Variants in HMCN2 observed in about 807,000 individuals in gnomAD.
HMCN2 encodes hemicentin-2.
In HMCN2, 325 loss-of-function variants were observed where a neutral mutation model predicts 377.5. The ratio of observed to expected loss-of-function variants is 0.86; its 90% CI spans 0.79 to 0.94. HMCN2 has a LOEUF of 0.94. Among genes scored for constraint, HMCN2 ranks in the 40% least tolerant of loss-of-function variants. The pLI, the probability that HMCN2 is intolerant of heterozygous loss-of-function variation, is 0.00. For missense variants in HMCN2, 4,543 were observed against 4,725.3 expected (o/e 0.96, Z 1.13); for synonymous variants, 2,007 against 2,046.8 (o/e 0.98, Z 0.53).
rs772814680 is a variant in HMCN2, at chr9:130,356,112, C to A, written c.5280C>A (p.Ala1760=). The A allele has an allele frequency of 2.3e-6, 3 of 1,295,406 alleles. No homozygotes were observed. In the African/African-American group the frequency reaches 4.6e-5, roughly 20 times the overall value. The allele number at this position is 1,295,406 out of a possible 1,614,324, so 80.2% of individuals were successfully genotyped here. A position where few individuals can be genotyped will look rare whatever the true frequency, so the allele number is the denominator to read the frequency against. ...TIQWLQNGRP[A]EELAGVQVAS... is the part of the protein sequence containing the mutation. Reference sequence around the variant, plus strand: ...GGTGGCTGCAGAATGGCCGCCCAGCCGAGGAGCTGGCTGGGGTGCAGGTGG... The same window carrying A: ...GGTGGCTGCAGAATGGCCGCCCAGCAGAGGAGCTGGCTGGGGTGCAGGTGG... The change falls in exon 34 of 98, where the codon GCC becomes GCA. Residue 1760 remains alanine (A), a synonymous_variant. Coordinates refer to ENST00000683500, the MANE Select transcript of HMCN2 (RefSeq NM_001291815.2).
intron 48 of HMCN2, among the ~76,000 whole-genome samples, chr9:130,373,485 T>A (rs1337769083): frequency 1.3e-5 from 2 of 152,082 alleles, no homozygotes; most frequent in African/African-American, 4.8e-5. Context: ...TCTGAGCTTC[T>A]TGAAGACCCA....
At position 130,422,636 on chromosome 9, in the gene HMCN2, G is replaced by A. The variant is rs1383991806; in HGVS notation, c.13291G>A (p.Val4431Met). Reference protein sequence around the residue: ...TGVINGRKFGVATLNTSVMQE... With the variant: ...TGVINGRKFGMATLNTSVMQE... The stretch of plus-strand genomic sequence containing the variant: ...GGTGATAAATGGCCGGAAATTTGGC[G>A]TGGCCACACTCAACACCAGCGTGAT... The change falls in exon 87 of 98, where the codon GTG (valine) becomes ATG (methionine). Residue 4431 changes from valine to methionine, a missense_variant. Physicochemically the swap from Val to Met is conservative, Grantham distance 21 (BLOSUM62 1). Coordinates refer to ENST00000683500, the MANE Select transcript of HMCN2 (RefSeq NM_001291815.2). The surrounding 1 kb of genome is among the most constrained non-coding windows in gnomAD (Gnocchi z 4.2). 1.4e-5 allele frequency: 18 copies of A among 1,328,162 alleles called. No homozygotes were observed. Among genetic ancestry groups the A allele is most frequent in the South Asian group, 1.1e-4 (5 of 45,366 alleles). The allele number at this position is 1,328,162 out of a possible 1,614,324, so 82.3% of individuals were successfully genotyped here. A position where few individuals can be genotyped will look rare whatever the true frequency, so the allele number is the denominator to read the frequency against.
At chr9:130,310,800 C>T in intron 15 of HMCN2, among the ~76,000 whole-genome samples, 1 of 152,234 alleles carries the variant, frequency 6.6e-6, no homozygotes, top group South Asian at 2.1e-4. Flanking sequence ...TCTCTGTCCC[C>T]ACCTATATGC....
rs1279537815 is a variant in HMCN2 at position 130,394,478 on chromosome 9, C to G, written c.10595C>G (p.Pro3532Arg). Residue 3532 changes from proline to arginine, a missense_variant, in exon 69 of 98, where the codon CCC (proline) becomes CGC (arginine). Physicochemically the swap from Pro to Arg is moderately radical, Grantham distance 103. Around this residue, in one of 5 missense-constraint regions of HMCN2, gnomAD observed 1,073 missense variants for 1,319.5 expected, o/e 0.81. Coordinates refer to ENST00000683500, the MANE Select transcript of HMCN2 (RefSeq NM_001291815.2). This position sits in a 1 kb window ranked among gnomAD's most constrained non-coding sequence, Gnocchi z 5.1. ...MELLCDAQGT[P>R]QPNITWHKDG... ...CTCCTCTGTGATGCCCAGGGCACCC[C>G]CCAGCCCAACATCACCTGGCATAAG... The G allele has an allele frequency of 1.6e-6, 2 of 1,289,710 alleles. No individual in the cohort carries two copies. Among genetic ancestry groups the G allele is most frequent in the Non-Finnish European group, 2.0e-6 (2 of 988,870 alleles). The allele number at this position is 1,289,710 out of a possible 1,614,324, so 79.9% of individuals were successfully genotyped here. A position where few individuals can be genotyped will look rare whatever the true frequency, so the allele number is the denominator to read the frequency against.
At chr9:130,421,925 G>C (rs1451087979) in intron 86 of HMCN2, among the ~76,000 whole-genome samples, 1 of 152,240 alleles carries the variant, frequency 6.6e-6, no homozygotes, top group African/African-American at 2.4e-5. Flanking sequence ...GCTAACTTCT[G>C]TCTCTCGCCC....
rs1031824447 is a variant in HMCN2, at chr9:130,364,721, G to C, written c.6240G>C (p.Pro2080=). ...QDVVLQVHMP[P]SILGEELNVS... is the part of the protein sequence containing the mutation. ...TCCTGCCCCCTCCTGCAGTGCCCCC[G>C]AGTATCCTTGGAGAAGAGCTGAATG... The change falls in exon 41 of 98, where the codon CCG becomes CCC. Residue 2080 remains proline, a synonymous_variant. Coordinates refer to ENST00000683500, the MANE Select transcript of HMCN2 (RefSeq NM_001291815.2). 2 of 985,974 alleles carry C rather than the reference G, an allele frequency of 2.0e-6. No individual in the cohort carries two copies. The highest frequency in any genetic ancestry group is 2.4e-6 in the Non-Finnish European group (2 of 830,134). 61.1% of individuals were successfully genotyped at this position (985,974 alleles called of 1,614,324 possible).
intron 74 of HMCN2, 47 bp from the exon 75 acceptor site, chr9:130,398,504 C>T (rs1424442625): frequency 9.3e-7 from 1 of 1,075,942 alleles, no homozygotes; most frequent in Non-Finnish European, 1.2e-6. Flanking sequence ...GAGCCCCCAG[C>T]CCCTGTGCCC....
At chr9:130,286,913 G>A (rs1406718359) in intron 4 of HMCN2, among the ~76,000 whole-genome samples, 1 of 152,052 alleles carries the variant, frequency 6.6e-6, no homozygotes, top group Non-Finnish European at 1.5e-5. Flanking sequence ...GGGGCTCCAT[G>A]GTATCATCCT....
At chr9:130,280,143 T>C (rs1835027892) in intron 1 of HMCN2, among the ~76,000 whole-genome samples, 1 of 115,266 alleles carries the variant, frequency 8.7e-6, no homozygotes, top group South Asian at 3.0e-4. Context: ...TAGCTGTGTG[T>C]GTGTGTGTTT....
intron 44 of HMCN2, among the ~76,000 whole-genome samples, chr9:130,368,800 C>G (rs909578819): frequency 2.0e-5 from 3 of 152,118 alleles, no homozygotes; most frequent in Non-Finnish European, 4.4e-5. Flanking sequence ...CTCCTGAGAA[C>G]TGACTCACTC....
rs1840610553 is a variant in HMCN2, at chr9:130,364,903, T to C, written c.6408+14T>C. On this transcript the variant is annotated intron_variant, in intron 41 of 97. Coordinates refer to ENST00000683500, the MANE Select transcript of HMCN2 (RefSeq NM_001291815.2). The stretch of plus-strand genomic sequence containing the variant: ...GCCTTGCTGCAGGTGTGCAGGCCCC[T>C]GGCCAGCCAAGCAGGCCTCCACCTC... The C allele has an allele frequency of 1.0e-6, 1 of 985,724 alleles. No individual in the cohort carries two copies. Among genetic ancestry groups the C allele is most frequent in the Non-Finnish European group, 1.2e-6 (1 of 829,886 alleles). 61.1% of individuals were successfully genotyped at this position (985,724 alleles called of 1,614,324 possible).
rs900732885 is a variant in HMCN2 at position 130,428,559 on chromosome 9, A to G, written c.14197+70A>G. The G allele has an allele frequency of 6.6e-7, 1 of 1,517,720 alleles. No homozygotes were observed. Among genetic ancestry groups the G allele is most frequent in the Non-Finnish European group, 8.8e-7 (1 of 1,134,388 alleles). The allele number at this position is 1,517,720 out of a possible 1,614,324, so 94.0% of individuals were successfully genotyped here. A position where few individuals can be genotyped will look rare whatever the true frequency, so the allele number is the denominator to read the frequency against. ...CAGAGGTTGCCAGGGATCAGCTGAC[A>G]GGGGGCTGTGTGTCACTGGGCTCTG... On this transcript the variant is annotated intron_variant, in intron 93 of 97. Coordinates refer to ENST00000683500, the MANE Select transcript of HMCN2 (RefSeq NM_001291815.2). This position sits in a 1 kb window ranked among gnomAD's most constrained non-coding sequence, Gnocchi z 5.0.
At chr9:130,323,043 C>G (rs984047995) in intron 19 of HMCN2, among the ~76,000 whole-genome samples, 3 of 152,256 alleles carry the variant, frequency 2.0e-5, no homozygotes, top group Middle Eastern at 3.4e-3. Context: ...AGATCCAAAT[C>G]GCCATCCAGG....
rs1195955503 is a variant in HMCN2 at position 130,309,895 on chromosome 9, C to A, written c.2201-17C>A. 2.1e-6 allele frequency: 1 copy of A among 473,334 alleles called. No individual in the cohort carries two copies. The highest frequency in any genetic ancestry group is 4.4e-6 in the Non-Finnish European group (1 of 228,224). The allele number at this position is 473,334 out of a possible 1,614,324, so 29.3% of individuals were successfully genotyped here. On this transcript the variant is annotated splice_polypyrimidine_tract_variant and intron_variant, in intron 14 of 97. Coordinates refer to ENST00000683500, the MANE Select transcript of HMCN2 (RefSeq NM_001291815.2). ...TACCAGGGACACCGGCCTGATGCTT[C>A]TTCCTCTTTGGTCCAGGGGGTCTTG...
At chr9:130,320,245 A>AAGGCC (rs1837773388) in intron 16 of HMCN2, 111 bp from the exon 17 acceptor site, 1 of 152,402 alleles carries the variant, frequency 6.6e-6, no homozygotes, top group Non-Finnish European at 1.5e-5. Flanking sequence ...GAACCTCTGT[A>AAGGCC]AGGCCAGGCC....
rs1280298629 is a variant in HMCN2 at position 130,362,957 on chromosome 9, G to A, written c.6199G>A (p.Glu2067Lys). The change falls in exon 40 of 98, where the codon GAG becomes AAG. Residue 2067 changes from glutamate (E) to lysine (K), a missense_variant. By Grantham distance (56) the Glu-to-Lys change is moderately conservative. This residue lies in a region of HMCN2 where 1,032 missense variants were observed against 1,285.1 expected (regional missense o/e 0.80). Coordinates refer to ENST00000683500, the MANE Select transcript of HMCN2 (RefSeq NM_001291815.2). ...YSCVAVSAVG[E>K]DRQDVVLQVH... is the part of the protein sequence containing the mutation. ...CTGCGTGGCTGTGAGCGCGGTGGGC[G>A]AGGACCGCCAGGATGTTGTCCTGCA... 12 of 985,956 alleles carry A rather than the reference G, an allele frequency of 1.2e-5. No individual in the cohort carries two copies. The highest frequency in any genetic ancestry group is 1.0e-3 in the Middle Eastern group (2 of 1,914). The allele number at this position is 985,956 out of a possible 1,614,324, so 61.1% of individuals were successfully genotyped here. A position where few individuals can be genotyped will look rare whatever the true frequency, so the allele number is the denominator to read the frequency against.
Position 130,379,420 on chromosome 9 carries a change from G to A in HMCN2, c.8384G>A (p.Arg2795Lys). Reference sequence around the variant, plus strand: ...CCACCCCCGGACCTCACCTGGTACAGAGAGGATCAGCCCCTCTCGGCCGGG... The same window carrying A: ...CCACCCCCGGACCTCACCTGGTACAAAGAGGATCAGCCCCTCTCGGCCGGG... ...AIPPPDLTWY[R>K]EDQPLSAGDE... The change falls in exon 54 of 98, where the codon AGA (arginine) becomes AAA (lysine). Residue 2795 changes from arginine (R) to lysine (K), a missense_variant. Coordinates refer to ENST00000683500, the MANE Select transcript of HMCN2 (RefSeq NM_001291815.2). The A allele has an allele frequency of 1.0e-6, 1 of 985,908 alleles. No individual in the cohort carries two copies. The highest frequency in any genetic ancestry group is 4.7e-5 in the South Asian group (1 of 21,292). 61.1% of individuals were successfully genotyped at this position (985,908 alleles called of 1,614,324 possible).
rs752716788 is a variant in HMCN2 at position 130,427,320 on chromosome 9, C to G, written c.13887C>G (p.Asn4629Lys). The change falls in exon 91 of 98, where the codon AAC becomes AAG. Residue 4629 changes from asparagine to lysine, a missense_variant. By Grantham distance (94) the Asn-to-Lys change is moderately conservative (BLOSUM62 0). This residue lies in a region of HMCN2 where 1,155 missense variants were observed against 1,157.7 expected (regional missense o/e 1.00). Transcript: ENST00000683500. Reference protein sequence around the residue: ...QLATALQAEENEVGCPEGFEL... With the variant: ...QLATALQAEEKEVGCPEGFEL... ...ATCCTCTTTGCTTTGCAGAGGAGAACGAGGTCGGCTGCCCCGAGGGCTTTG... is the reference window on the plus strand; with the variant it reads ...ATCCTCTTTGCTTTGCAGAGGAGAAGGAGGTCGGCTGCCCCGAGGGCTTTG... 1.9e-6 allele frequency: 3 copies of G among 1,550,504 alleles called. No homozygotes were observed. The highest frequency in any genetic ancestry group is 2.6e-6 in the Non-Finnish European group (3 of 1,146,982).
At chr9:130,270,389 A>C (rs1443407406) in intron 1 of HMCN2, among the ~76,000 whole-genome samples, 2 of 145,964 alleles carry the variant, frequency 1.4e-5, no homozygotes, top group African/African-American at 4.9e-5. Context: ...TTCACATTTA[A>C]TTCTTCAACT....
Sources: gnomAD v4.1 joint callset for allele counts (sites outside exome capture counted in the v4.1 genomes callset) on GRCh38, gnomAD v4.1.1 for gene constraint, gnomAD v4.1.1 regional missense constraint, Gnocchi (gnomAD v3.1) non-coding constraint, MANE v1.5 for transcripts, NCBI Gene and HGNC (gene_info 2026-07-23, HGNC 2026-07-21) for gene names.